MACROD2: variants seen among roughly 807,000 people sequenced by gnomAD.
MACROD2 encodes the protein mono-ADP ribosylhydrolase 2.
MACROD2 carries 36 observed loss-of-function variants against 70.4 expected under a neutral mutation model. The ratio of observed to expected loss-of-function variants is 0.51; its 90% CI spans 0.39 to 0.68. MACROD2 has a LOEUF of 0.68. Ranked by LOEUF, MACROD2 falls within the 30% of genes least tolerant of loss-of-function variation. The pLI, the probability that MACROD2 is intolerant of heterozygous loss-of-function variation, is 0.00. For synonymous variants in MACROD2, 172 were observed against 178.8 expected (o/e 0.96, Z 0.30); for missense variants, 496 against 538.4 (o/e 0.92, Z 0.78).
intron 3 of MACROD2, among the ~76,000 whole-genome samples, chr20:14,453,234 T>C (rs2084264063): frequency 6.6e-6 from 1 of 152,114 alleles, no homozygotes; most frequent in African/African-American, 2.4e-5. Context: ...AGAATGCTTG[T>C]AGTTTGTCAG....
chr20:15,715,956 A>G (rs1392275515), intron 8 of MACROD2, among the ~76,000 whole-genome samples: 1 of 152,192 alleles, frequency 6.6e-6, no homozygotes, highest in East Asian at 1.9e-4. Flanking sequence ...GGTTATATCA[A>G]CTTCTTTAAA....
chr20:14,399,509 C>T (rs561183401), intron 3 of MACROD2, among the ~76,000 whole-genome samples: 9 of 152,126 alleles, frequency 5.9e-5, no homozygotes, highest in African/African-American at 1.2e-4. Flanking sequence ...GTCTTTATCA[C>T]GGTAAATAAT....
chr20:14,814,661 A>G (rs190618340), intron 5 of MACROD2, among the ~76,000 whole-genome samples: 3 of 152,168 alleles, frequency 2.0e-5, no homozygotes, highest in Admixed American at 6.5e-5. Context: ...CATTTATTCA[A>G]TAAAAACTAT....
At chr20:14,068,719 T>A (rs1174693856) in intron 2 of MACROD2, among the ~76,000 whole-genome samples, 3 of 151,896 alleles carry the variant, frequency 2.0e-5, no homozygotes, top group African/African-American at 7.3e-5. Flanking sequence ...TGAGGAAAAG[T>A]GAGAATTCAC....
chr20:14,713,071 A>G (rs988948165), intron 5 of MACROD2, among the ~76,000 whole-genome samples: 1 of 152,174 alleles, frequency 6.6e-6, no homozygotes, highest in African/African-American at 2.4e-5. Flanking sequence ...CAGTCACAAT[A>G]TGGGAGTAAA....
intron 2 of MACROD2, 97 bp downstream of exon 2, chr20:14,002,501 A>G (rs2148609936): frequency 1.5e-6 from 1 of 681,082 alleles, no homozygotes. Context: ...AGAGATTACT[A>G]TTTTGCTATT....
Position 14,513,029 on chromosome 20 carries a change from G to T in MACROD2, c.301+19521G>T, listed in dbSNP as rs561499889. Among the ~76,000 whole-genome samples the T allele has an allele frequency of 4.9e-4, 74 of 152,054 alleles. No individual in the cohort carries two copies. In the South Asian group the frequency reaches 6.7e-3, roughly 14 times the overall value. On this transcript the variant is annotated intron_variant, in intron 4 of 17. Transcript: ENST00000684519. The stretch of plus-strand genomic sequence containing the variant: ...ATCGAGAAGCCATTCAAACTTTCAG[G>T]GCTCTGCCAACTTGGCAAGAAGAAG...
At chr20:14,545,244 ACAGAGTTCTATG>A (rs1298156067) in intron 4 of MACROD2, among the ~76,000 whole-genome samples, 1 of 152,200 alleles carries the variant, frequency 6.6e-6, no homozygotes, top group African/African-American at 2.4e-5. Context: ...TTTATTGGGC[ACAGAGTTCTATG>A]CAGGTATCCT....
intron 5 of MACROD2, among the ~76,000 whole-genome samples, chr20:14,743,156 A>G (rs1001926853): frequency 6.6e-6 from 1 of 152,170 alleles, no homozygotes; most frequent in South Asian, 2.1e-4. Flanking sequence ...AATTTCTTCA[A>G]TGAAATTCAA....
intron 3 of MACROD2, among the ~76,000 whole-genome samples, chr20:14,484,200 T>C (rs1315207512): frequency 6.6e-6 from 1 of 152,202 alleles, no homozygotes; most frequent in Admixed American, 6.5e-5. Context: ...AAACATATTT[T>C]AATATGCATT....
chr20:14,862,206 AATATAT>A (rs547904578), intron 5 of MACROD2, among the ~76,000 whole-genome samples: 973 of 14,492 alleles, frequency 0.067, 143 homozygotes, highest in African/African-American at 0.21. Flanking sequence ...TAAATATATA[AATATAT>A]ATATATATAA....
chr20:14,825,458 C>A (rs10439587), intron 5 of MACROD2, among the ~76,000 whole-genome samples: 2,547 of 152,142 alleles, frequency 0.017, 84 homozygotes, highest in East Asian at 0.11. Flanking sequence ...ATGCTAATTT[C>A]TAATGCTTTC....
chr20:14,210,118 T>G (rs1426083139), intron 3 of MACROD2, among the ~76,000 whole-genome samples: 2 of 152,210 alleles, frequency 1.3e-5, no homozygotes, highest in Admixed American at 1.3e-4. Context: ...TTTTGCCACA[T>G]GTACTGAGAA....
chr20:14,584,464 G>A (rs952028741), intron 4 of MACROD2, among the ~76,000 whole-genome samples: 3 of 152,184 alleles, frequency 2.0e-5, no homozygotes, highest in Middle Eastern at 3.4e-3. Flanking sequence ...TTCAGTTTCT[G>A]GTGAGGGCCC....
intron 10 of MACROD2, among the ~76,000 whole-genome samples, chr20:15,895,117 G>A (rs1021751425): frequency 2.6e-5 from 4 of 152,224 alleles, no homozygotes; most frequent in African/African-American, 9.6e-5. Context: ...CTATTAAGCT[G>A]TAGCAGTTCT....
intron 5 of MACROD2, among the ~76,000 whole-genome samples, chr20:14,910,987 G>T (rs1193182634): frequency 6.6e-6 from 1 of 152,156 alleles, no homozygotes; most frequent in Non-Finnish European, 1.5e-5. Flanking sequence ...TACTATGTGT[G>T]ATATGCTTTG....
At chr20:14,162,908 C>G (rs1181708511) in intron 3 of MACROD2, among the ~76,000 whole-genome samples, 1 of 152,008 alleles carries the variant, frequency 6.6e-6, no homozygotes, top group African/African-American at 2.4e-5. Flanking sequence ...TTATTCCTGT[C>G]ATTTTATTAA....
intron 8 of MACROD2, among the ~76,000 whole-genome samples, chr20:15,710,532 G>A (rs1235074084): frequency 6.6e-6 from 1 of 152,140 alleles, no homozygotes; most frequent in Non-Finnish European, 1.5e-5. Flanking sequence ...TCAGAACCCT[G>A]AAGATCTTCA....
chr20:14,759,122 C>T (rs1431377968), intron 5 of MACROD2, among the ~76,000 whole-genome samples: 5 of 152,014 alleles, frequency 3.3e-5, no homozygotes, highest in Non-Finnish European at 5.9e-5. Context: ...GTATAGATTG[C>T]TTTTCTGGCT....
Sources: gnomAD v4.1 joint callset for allele counts (sites outside exome capture counted in the v4.1 genomes callset) on GRCh38, gnomAD v4.1.1 for gene constraint, MANE v1.5 for transcripts, NCBI Gene and HGNC (gene_info 2026-07-23, HGNC 2026-07-21) for gene names.